VAV2: variants seen among roughly 807,000 people sequenced by gnomAD.
VAV2 encodes the protein vav guanine nucleotide exchange factor 2, also known as guanine nucleotide exchange factor VAV2.
In VAV2, 67 loss-of-function variants were observed where a neutral mutation model predicts 132.5. The observed-to-expected ratio is 0.51, with a 90% CI of 0.42 to 0.62. The LOEUF (loss-of-function observed/expected upper bound fraction) is 0.62. Among genes scored for constraint, VAV2 ranks in the 20% least tolerant of loss-of-function variants. The probability of loss-of-function intolerance (pLI) is 0.00; values close to 1 mark genes in which losing one functional copy is unlikely to be tolerated. For synonymous variants in VAV2, 492 were observed against 443.5 expected (o/e 1.11, Z -1.37); for missense variants, 938 against 1,153.6 (o/e 0.81, Z 2.71).
rs1588356995 is a variant in VAV2, at chr9:133,911,566, C to T, written c.321+27537G>A. Among the ~76,000 whole-genome samples, 4 of 152,290 alleles carry T rather than the reference C, an allele frequency of 2.6e-5. No homozygotes were observed. The East Asian group carries it at 7.7e-4, about 29-fold the overall frequency. ...AAGACGGTGAACATATTCACCGGCC[C>T]CAAAATGTTTTCTAGTGCCCACTGG... On this transcript the variant is annotated intron_variant, in intron 2 of 29. Coordinates refer to ENST00000371850, the MANE Select transcript of VAV2 (RefSeq NM_001134398.2).
intron 3 of VAV2, among the ~76,000 whole-genome samples, chr9:133,847,909 C>T (rs565818358): frequency 6.6e-6 from 1 of 152,282 alleles, no homozygotes; most frequent in South Asian, 2.1e-4. Flanking sequence ...AAAAACCGTG[C>T]TGATCACTAA....
chr9:133,810,495 G>C (rs1354645265), intron 5 of VAV2, among the ~76,000 whole-genome samples: 7 of 152,204 alleles, frequency 4.6e-5, no homozygotes, highest in Non-Finnish European at 8.8e-5. Context: ...TGTTCAGAGA[G>C]CTCCAGACAT....
rs547204684 is a variant in VAV2 at position 133,935,288 on chromosome 9, A to G, written c.321+3815T>C. Among the ~76,000 whole-genome samples the G allele has an allele frequency of 3.3e-5, 5 of 152,330 alleles. No homozygotes were observed. The highest frequency in any genetic ancestry group is 5.9e-5 in the Non-Finnish European group (4 of 68,026). On this transcript the variant is annotated intron_variant, in intron 2 of 29. Coordinates refer to ENST00000371850, the MANE Select transcript of VAV2 (RefSeq NM_001134398.2). The surrounding 1 kb of genome is among the most constrained non-coding windows in gnomAD (Gnocchi z 5.2). Reference sequence around the variant, plus strand: ...GGAAACGCTCAGTAAATGCCCCGAAAAAATGAAAGGGGCATTCGCTCTTCA... The same window carrying G: ...GGAAACGCTCAGTAAATGCCCCGAAGAAATGAAAGGGGCATTCGCTCTTCA...
intron 7 of VAV2, 79 bp downstream of exon 7, chr9:133,808,961 T>G (rs1356107561): frequency 7.5e-7 from 1 of 1,339,012 alleles, no homozygotes; most frequent in African/African-American, 1.4e-5. Flanking sequence ...GCCTCCGGAA[T>G]GCACTCCCAG....
In VAV2 at chr9:133,928,176, T is replaced by C. The variant is rs1054346930; in HGVS notation, c.321+10927A>G. Among the ~76,000 whole-genome samples, 1 of 36,730 alleles carries C rather than the reference T, an allele frequency of 2.7e-5. No homozygotes were observed. The highest frequency in any genetic ancestry group is 2.9e-3 in the East Asian group (1 of 344). 24.1% of individuals were successfully genotyped at this position (36,730 alleles called of 152,430 possible). A position where few individuals can be genotyped will look rare whatever the true frequency, so the allele number is the denominator to read the frequency against. On this transcript the variant is annotated intron_variant, in intron 2 of 29. Transcript: ENST00000371850. This position sits in a 1 kb window ranked among gnomAD's most constrained non-coding sequence, Gnocchi z 5.4. ...CCGATGGGCTTACCGACTCCGTGTG[T>C]GTGTGTGTGTGTGCGTGCATGTGTG...
At chr9:133,980,841 G>A (rs1459237032) in intron 1 of VAV2, among the ~76,000 whole-genome samples, 2 of 152,178 alleles carry the variant, frequency 1.3e-5, no homozygotes, top group Non-Finnish European at 2.9e-5. Context: ...ATGAAGCACT[G>A]TGGCAGCGCC....
intron 2 of VAV2, among the ~76,000 whole-genome samples, chr9:133,913,208 C>G (rs1361952768): frequency 6.6e-6 from 1 of 152,216 alleles, no homozygotes; most frequent in East Asian, 1.9e-4. Context: ...TGGGCTGGAA[C>G]ACCCCCTGTG....
chr9:133,983,786 TCCCACCCCACCCCAC>T (rs550006838), intron 1 of VAV2, among the ~76,000 whole-genome samples: 1 of 145,414 alleles, frequency 6.9e-6, no homozygotes, highest in South Asian at 2.3e-4. Flanking sequence ...CAGCCAGGGC[TCCCACCCCACCCCAC>T]CCCACCCCAC....
At chr9:133,770,276 C>G (rs1232664484) in intron 27 of VAV2, 102 bp downstream of exon 27, 1 of 1,550,114 alleles carries the variant, frequency 6.5e-7, no homozygotes, top group Non-Finnish European at 8.7e-7. Context: ...CAGGGTGGGA[C>G]TCCTGGTCTG....
At chr9:133,942,711 G>A (rs1841214126) in intron 1 of VAV2, among the ~76,000 whole-genome samples, 1 of 152,216 alleles carries the variant, frequency 6.6e-6, no homozygotes, top group Non-Finnish European at 1.5e-5. Context: ...GATGGGCCCA[G>A]CGCACCCCTT....
chr9:133,810,921 G>A (rs954877886), intron 5 of VAV2, among the ~76,000 whole-genome samples: 1 of 152,224 alleles, frequency 6.6e-6, no homozygotes, highest in Admixed American at 6.5e-5. Flanking sequence ...AAACAACTTG[G>A]GGAGTGAACT....
intron 16 of VAV2, 142 bp downstream of exon 16, chr9:133,787,104 G>C (rs1453419969): frequency 6.6e-6 from 6 of 910,724 alleles, no homozygotes; most frequent in Non-Finnish European, 9.1e-6. Flanking sequence ...TCATCATCGG[G>C]AAAGGGAGTG....
intron 12 of VAV2, among the ~76,000 whole-genome samples, chr9:133,793,595 G>A (rs376522648): frequency 1.3e-3 from 197 of 152,282 alleles, no homozygotes; most frequent in African/African-American, 4.3e-3. Context: ...TTACAACTGT[G>A]ACCACCGCGG....
rs940227002 is a variant in VAV2, at chr9:133,826,082, A to G, written c.449+8190T>C. 1.3e-5 allele frequency among the ~76,000 whole-genome samples: 2 copies of G among 152,238 alleles called. No homozygotes were observed. The highest frequency in any genetic ancestry group is 4.8e-5 in the African/African-American group (2 of 41,458). On this transcript the variant is annotated intron_variant, in intron 4 of 29. Coordinates refer to ENST00000371850, the MANE Select transcript of VAV2 (RefSeq NM_001134398.2). This position sits in a 1 kb window ranked among gnomAD's most constrained non-coding sequence, Gnocchi z 4.2. ...TCACTTCAACTCCCAGGAAAGTGAA[A>G]CCAGTGTTATGCAAAGCAGGCTCCT...
Position 133,879,825 on chromosome 9 carries a change from A to T in VAV2, c.322-18393T>A, listed in dbSNP as rs1838416582. The stretch of plus-strand genomic sequence containing the variant: ...TTTTCCTCCCCGGTGCTTTGTGTTT[A>T]TGGAAACAGATGGAAACCGGCCGCA... On this transcript the variant is annotated intron_variant, in intron 2 of 29. Transcript: ENST00000371850. This position sits in a 1 kb window ranked among gnomAD's most constrained non-coding sequence, Gnocchi z 4.4. Among the ~76,000 whole-genome samples, 1 of 152,208 alleles carries T rather than the reference A, an allele frequency of 6.6e-6. No individual in the cohort carries two copies. Among genetic ancestry groups the T allele is most frequent in the Non-Finnish European group, 1.5e-5 (1 of 68,034 alleles).
At chr9:133,967,860 G>GAAA (rs1564511302) in intron 1 of VAV2, among the ~76,000 whole-genome samples, 53 of 146,022 alleles carry the variant, frequency 3.6e-4, no homozygotes, top group African/African-American at 1.3e-3. Flanking sequence ...TTGAACCCAC[G>GAAA]AGGTGGAGGT....
intron 17 of VAV2, among the ~76,000 whole-genome samples, chr9:133,784,921 G>A (rs929845552): frequency 5.3e-5 from 8 of 152,060 alleles, no homozygotes; most frequent in African/African-American, 1.2e-4. Flanking sequence ...GTGAGAAGAC[G>A]GCTATTCACC....
intron 1 of VAV2, among the ~76,000 whole-genome samples, chr9:133,943,753 C>A (rs1031366944): frequency 6.6e-6 from 1 of 152,240 alleles, no homozygotes; most frequent in Non-Finnish European, 1.5e-5. Flanking sequence ...CGCCCCTGGG[C>A]CCCAAGAATC....
chr9:133,785,402 A>G (rs1834178425), intron 17 of VAV2, among the ~76,000 whole-genome samples: 1 of 152,246 alleles, frequency 6.6e-6, no homozygotes, highest in African/African-American at 2.4e-5. Flanking sequence ...CCAGCCCGTA[A>G]GACCCTGAAG....
Sources: allele counts gnomAD v4.1 joint callset (sites outside exome capture counted in the v4.1 genomes callset), GRCh38; gene constraint gnomAD v4.1.1; non-coding constraint Gnocchi (gnomAD v3.1); transcripts MANE v1.5; gene names NCBI Gene and HGNC (gene_info 2026-07-23, HGNC 2026-07-21).